The following RAB3IL1 variants were observed in gnomAD, a reference collection of about 807,000 sequenced individuals.
RAB3IL1 encodes RAB3A interacting protein like 1.
RAB3IL1 carries 37 observed loss-of-function variants against 49.2 expected under a neutral mutation model. That is an observed-to-expected ratio of 0.75 (90% CI 0.58 to 0.99). The LOEUF is 0.99. RAB3IL1 is among the 50% of genes least tolerant of loss of function. The pLI is 0.00. For synonymous variants in RAB3IL1, 193 were observed against 213.9 expected (o/e 0.90, Z 0.85); for missense variants, 484 against 513.0 (o/e 0.94, Z 0.55).
chr11:61,906,503 G>T lies in RAB3IL1; in HGVS notation c.620C>A (p.Ala207Glu), dbSNP rs746873051. 1.3e-6 allele frequency: 2 copies of T among 1,549,232 alleles called. No individual in the cohort carries two copies. The highest frequency in any genetic ancestry group is 1.7e-6 in the Non-Finnish European group (2 of 1,148,636). ...TCTGTCTGGGGTGAGGGTGTGTCCC[G>T]CAGCGGGACACACGGCGGGGCAGAG... ...STLCPAVCPA[A>E]GHTLTPDREG... Residue 207 changes from alanine (A) to glutamate (E), a missense_variant, in exon 5 of 10, where the codon GCG becomes GAG. By Grantham distance (107) the Ala-to-Glu change is moderately radical. Transcript: ENST00000394836. This position sits in a 1 kb window ranked among gnomAD's most constrained non-coding sequence, Gnocchi z 4.6.
chr11:61,930,169 T>G, the RAB3IL1 span, among the ~76,000 whole-genome samples: 839 of 152,150 alleles, frequency 5.5e-3, 5 homozygotes, highest in Middle Eastern at 0.017. Context: ...GTGCTGGGAT[T>G]ACAGGCATGA....
At position 61,904,756 on chromosome 11, in the gene RAB3IL1, C is replaced by G. The variant is rs376772201; in HGVS notation, c.784G>C (p.Glu262Gln). 3 of 1,602,592 alleles carry G rather than the reference C, an allele frequency of 1.9e-6. No homozygotes were observed. The highest frequency in any genetic ancestry group is 2.7e-5 in the African/African-American group (2 of 74,864). Residue 262 changes from glutamate (E) to glutamine (Q), a missense_variant and splice_region_variant, in exon 6 of 10, where the codon GAG becomes CAG. Glu to Gln is a conservative substitution (Grantham distance 29). Coordinates refer to ENST00000394836, the MANE Select transcript of RAB3IL1 (RefSeq NM_013401.4). ...VGPCLDFTMQ[E>Q]LSVLVRAAVE... ...GCCCCGCCCCTGCCATGCCTCACCT[C>G]CTGCATTGTGAAGTCCAGGCAGGGG...
At chr11:61,900,409 C>A (rs2136018527) in intron 8 of RAB3IL1, among the ~76,000 whole-genome samples, 1 of 152,320 alleles carries the variant, frequency 6.6e-6, no homozygotes, top group East Asian at 1.9e-4. Context: ...GGGGCACCCG[C>A]AGGCTGGGGA....
At chr11:61,915,694 G>C (rs758791189) in intron 1 of RAB3IL1, among the ~76,000 whole-genome samples, 31 of 152,106 alleles carry the variant, frequency 2.0e-4, no homozygotes, top group Non-Finnish European at 3.2e-4. Context: ...CTTCCTCCAA[G>C]CACAATGCCA....
upstream of RAB3IL1, among the ~76,000 whole-genome samples, chr11:61,923,848 G>A (rs1939953602): frequency 6.6e-6 from 1 of 152,120 alleles, no homozygotes; most frequent in African/African-American, 2.4e-5. Context: ...AGGGAAAGAG[G>A]ACGCTGGTTC....
intron 2 of RAB3IL1, 32 bp downstream of exon 2, chr11:61,908,022 C>A: frequency 6.3e-7 from 1 of 1,577,750 alleles, no homozygotes; most frequent in East Asian, 2.3e-5. Context: ...TTCTCCCCAC[C>A]GAAGACCCCC....
At chr11:61,925,273 C>G in the RAB3IL1 span, among the ~76,000 whole-genome samples, 1 of 152,162 alleles carries the variant, frequency 6.6e-6, no homozygotes, top group Non-Finnish European at 1.5e-5. Context: ...CAGTCACTCT[C>G]TCAGGAGGAA....
At chr11:61,903,137 T>TA (rs1254422636) in intron 7 of RAB3IL1, among the ~76,000 whole-genome samples, 6 of 151,956 alleles carry the variant, frequency 3.9e-5, no homozygotes, top group African/African-American at 9.7e-5. Context: ...GCAACCCCCA[T>TA]CTGGGCCCCA....
chr11:61,933,781 C>T, the RAB3IL1 span, among the ~76,000 whole-genome samples: 22 of 151,930 alleles, frequency 1.4e-4, no homozygotes, highest in Non-Finnish European at 2.6e-4. Flanking sequence ...CCTGTCTCTA[C>T]TAAAAATGCA....
upstream of RAB3IL1, among the ~76,000 whole-genome samples, chr11:61,921,395 G>A (rs1016848078): frequency 5.3e-5 from 8 of 152,144 alleles, no homozygotes; most frequent in Admixed American, 1.3e-4. Context: ...AGCACACCAG[G>A]CCAGTTGCCA....
the RAB3IL1 span, among the ~76,000 whole-genome samples, chr11:61,926,499 G>A: frequency 2.0e-5 from 3 of 152,188 alleles, no homozygotes; most frequent in Non-Finnish European, 2.9e-5. Context: ...GGTCATGGGA[G>A]CTTGGTTCCC....
At chr11:61,921,748 G>A (rs1250179999), upstream of RAB3IL1, among the ~76,000 whole-genome samples, 1 of 152,128 alleles carries the variant, frequency 6.6e-6, no homozygotes, top group Non-Finnish European at 1.5e-5. Context: ...GTGCCACCCT[G>A]TCTTCATTTG....
upstream of RAB3IL1, among the ~76,000 whole-genome samples, chr11:61,918,783 G>C (rs1281140416): frequency 1.3e-5 from 2 of 152,202 alleles, no homozygotes; most frequent in Non-Finnish European, 2.9e-5. Flanking sequence ...TTGCTCCCTT[G>C]GCCAGCACTT....
intron 8 of RAB3IL1, among the ~76,000 whole-genome samples, chr11:61,901,844 G>A (rs1412686262): frequency 6.6e-6 from 1 of 152,242 alleles, no homozygotes; most frequent in African/African-American, 2.4e-5. Context: ...GCAAGTCCCT[G>A]AGCAGAGAAT....
At chr11:61,936,589 A>G in the RAB3IL1 span, among the ~76,000 whole-genome samples, 1 of 152,100 alleles carries the variant, frequency 6.6e-6, no homozygotes, top group Non-Finnish European at 1.5e-5. Context: ...TGATCCACCC[A>G]CCTCGACCTC....
chr11:61,898,103 C>G lies in RAB3IL1; in HGVS notation c.*175G>C. The G allele has an allele frequency of 1.5e-6, 1 of 645,546 alleles. No individual in the cohort carries two copies. Among genetic ancestry groups the G allele is most frequent in the South Asian group, 1.8e-5 (1 of 55,356 alleles). The allele number at this position is 645,546 out of a possible 1,614,324, so 40.0% of individuals were successfully genotyped here. On this transcript the variant is annotated 3_prime_UTR_variant, in exon 10 of 10. Coordinates refer to ENST00000394836, the MANE Select transcript of RAB3IL1 (RefSeq NM_013401.4). This position sits in a 1 kb window ranked among gnomAD's most constrained non-coding sequence, Gnocchi z 5.1. ...GTCTTGCCGTGAAGTCCAGGCCCGTCTGTCCCAGGATGGACGTGTGGTGCT... is the reference window on the plus strand; with the variant it reads ...GTCTTGCCGTGAAGTCCAGGCCCGTGTGTCCCAGGATGGACGTGTGGTGCT...
chr11:61,913,325 G>C (rs1160170045), intron 1 of RAB3IL1, among the ~76,000 whole-genome samples: 1 of 152,170 alleles, frequency 6.6e-6, no homozygotes, highest in Non-Finnish European at 1.5e-5. Context: ...GGGACAAAGG[G>C]ACAGGTGGGA....
chr11:61,941,827 A>T, the RAB3IL1 span, among the ~76,000 whole-genome samples: 1 of 152,160 alleles, frequency 6.6e-6, no homozygotes, highest in Admixed American at 6.5e-5. Flanking sequence ...ATACTAGCAA[A>T]TCCAATCCAG....
In RAB3IL1 at chr11:61,914,646, A is replaced by T. The variant is rs571400287; in HGVS notation, c.11+2711T>A. Among the ~76,000 whole-genome samples the T allele has an allele frequency of 5.3e-5, 8 of 152,254 alleles. No homozygotes were observed. In the South Asian group the frequency reaches 1.7e-3, roughly 32 times the overall value. On this transcript the variant is annotated intron_variant, in intron 1 of 9. Coordinates refer to ENST00000394836, the MANE Select transcript of RAB3IL1 (RefSeq NM_013401.4). ...GGGCCCATGCTCAGGAGTCCCAAAG[A>T]AGAGGACCCACCCAGGCTGTGGCAG...
Sources: allele counts gnomAD v4.1 joint callset (sites outside exome capture counted in the v4.1 genomes callset), GRCh38; gene constraint gnomAD v4.1.1; non-coding constraint Gnocchi (gnomAD v3.1); transcripts MANE v1.5; gene names NCBI Gene and HGNC (gene_info 2026-07-23, HGNC 2026-07-21).